NACA2: variants seen among roughly 807,000 people sequenced by gnomAD.
The protein encoded by NACA2 is nascent polypeptide-associated complex subunit alpha-2.
NACA2 carries 9 observed loss-of-function variants against 15.6 expected under a neutral mutation model. The observed-to-expected ratio is 0.58, with a 90% confidence interval of 0.35 to 1.00. The LOEUF is 1.00. Ranked by LOEUF, NACA2 falls within the 50% of genes least tolerant of loss-of-function variation. The probability of loss-of-function intolerance (pLI) is 0.02; values close to 1 mark genes in which losing one functional copy is unlikely to be tolerated. For synonymous variants in NACA2, 111 were observed against 100.5 expected (o/e 1.10, Z -0.62); for missense variants, 258 against 257.5 (o/e 1.00, Z -0.01).
chr17:61,590,885 G>C lies in NACA2; in HGVS notation c.296C>G (p.Ser99Cys). 1 of 1,614,178 alleles carries C rather than the reference G, an allele frequency of 6.2e-7. No homozygotes were observed. Among genetic ancestry groups the C allele is most frequent in the Non-Finnish European group, 8.5e-7 (1 of 1,180,032 alleles). The stretch of plus-strand genomic sequence containing the variant: ...TGTGATGACAAAGAGGATATTCTTA[G>C]ATTTCCAGATAGTGACTCTAGTAAC... ...TGVTRVTIWKSKNILFVITKL... is the reference protein window; with the variant it reads ...TGVTRVTIWKCKNILFVITKL... The change falls in exon 1 of 1, where the codon TCT (serine) becomes TGT (cysteine). Residue 99 changes from serine to cysteine, a missense_variant. Ser to Cys is a moderately radical substitution (Grantham distance 112, BLOSUM62 -1). Coordinates refer to ENST00000521764, the MANE Select transcript of NACA2 (RefSeq NM_199290.4).
At position 61,591,185 on chromosome 17, in the gene NACA2, T is replaced by G. The variant is rs775551337; in HGVS notation, c.-5A>C. ...TTCTGTGGCTTCGCCCGGCATTTTG[T>G]GCAGGGAACGCGGAAGCAAGATGGC... On this transcript the variant is annotated 5_prime_UTR_variant, in exon 1 of 1. Transcript: ENST00000521764. The G allele has an allele frequency of 5.0e-6, 8 of 1,614,206 alleles. No individual in the cohort carries two copies. Among genetic ancestry groups the G allele is most frequent in the Non-Finnish European group, 6.8e-6 (8 of 1,180,056 alleles).
chr17:61,590,987 C>G lies in NACA2; in HGVS notation c.194G>C (p.Gly65Ala). The G allele has an allele frequency of 6.2e-7, 1 of 1,614,218 alleles. No homozygotes were observed. The highest frequency in any genetic ancestry group is 8.5e-7 in the Non-Finnish European group (1 of 1,180,048). Residue 65 changes from glycine to alanine, a missense_variant, in exon 1 of 1, where the codon GGT (glycine) becomes GCT (alanine). Transcript: ENST00000521764. Reference protein sequence around the residue: ...AAAEIDEEPVGKAKQSRSEKR... With the variant: ...AAAEIDEEPVAKAKQSRSEKR... ...TTCACTCCGACTCTGTTTTGCTTTA[C>G]CGACTGGTTCTTCATCAATTTCAGC...
rs2060995941 is a variant in NACA2, at chr17:61,590,697, C to G, written c.484G>C (p.Val162Leu). Residue 162 changes from valine to leucine, a missense_variant, in exon 1 of 1, where the codon GTA (valine) becomes CTA (leucine). By Grantham distance (32) the Val-to-Leu change is conservative. Coordinates refer to ENST00000521764, the MANE Select transcript of NACA2 (RefSeq NM_199290.4). Reference protein sequence around the residue: ...NIQENTQTPTVQEESEEEEVD... With the variant: ...NIQENTQTPTLQEESEEEEVD... ...TCTTCCTCTTCACTCTCCTCTTGTA[C>G]AGTTGGAGTCTGTGTGTTTTCTTGA... 6.2e-7 allele frequency: 1 copy of G among 1,614,076 alleles called. No individual in the cohort carries two copies. Among genetic ancestry groups the G allele is most frequent in the Non-Finnish European group, 8.5e-7 (1 of 1,180,052 alleles).
In NACA2 at chr17:61,591,051, T is replaced by C; in HGVS notation, c.130A>G (p.Thr44Ala). 9 of 1,614,246 alleles carry C rather than the reference T, an allele frequency of 5.6e-6. No individual in the cohort carries two copies. Among genetic ancestry groups the C allele is most frequent in the Non-Finnish European group, 7.6e-6 (9 of 1,180,040 alleles). Residue 44 changes from threonine (T) to alanine (A), a missense_variant, in exon 1 of 1, where the codon ACC (threonine) becomes GCC (alanine). Physicochemically the swap from Thr to Ala is moderately conservative, Grantham distance 58 (BLOSUM62 0). Coordinates refer to ENST00000521764, the MANE Select transcript of NACA2 (RefSeq NM_199290.4). Reference sequence around the variant, plus strand: ...CAGGCTTTTTGTGTGGTGGTCTGGGTGGAATCCTGTTCTTCAATCCCTGGT... The same window carrying C: ...CAGGCTTTTTGTGTGGTGGTCTGGGCGGAATCCTGTTCTTCAATCCCTGGT... ...SVPGIEEQDS[T>A]QTTTQKAWLV...
rs763576359 is a variant in NACA2 at position 61,591,063 on chromosome 17, C to G, written c.118G>C (p.Glu40Gln). The change falls in exon 1 of 1, where the codon GAA becomes CAA. Residue 40 changes from glutamate to glutamine, a missense_variant. Transcript: ENST00000521764. ...DSGESVPGIE[E>Q]QDSTQTTTQK... ...GTGGTGGTCTGGGTGGAATCCTGTT[C>G]TTCAATCCCTGGTACTGATTCACCA... is the stretch of plus-strand genomic sequence containing the variant. 3.7e-6 allele frequency: 6 copies of G among 1,614,148 alleles called. No individual in the cohort carries two copies. In the African/African-American group the frequency reaches 8.0e-5, roughly 22 times the overall value.
Position 61,590,469 on chromosome 17 carries a change from T to C in NACA2, c.*64A>G. On this transcript the variant is annotated 3_prime_UTR_variant, in exon 1 of 1. Transcript: ENST00000521764. Reference sequence around the variant, plus strand: ...ATAACTTTATTTATGATAGAAACAGTACAAATTTCAAACCAAGCTGCAGTT... The same window carrying C: ...ATAACTTTATTTATGATAGAAACAGCACAAATTTCAAACCAAGCTGCAGTT... The C allele has an allele frequency of 6.9e-7, 1 of 1,457,900 alleles. No homozygotes were observed. Among genetic ancestry groups the C allele is most frequent in the Non-Finnish European group, 9.6e-7 (1 of 1,039,464 alleles). The allele number at this position is 1,457,900 out of a possible 1,614,324, so 90.3% of individuals were successfully genotyped here.
Position 61,590,982 on chromosome 17 carries a change from C to T in NACA2, c.199G>A (p.Ala67Thr), listed in dbSNP as rs1306747093. ...AEIDEEPVGKAKQSRSEKRAR... is the reference protein window; with the variant it reads ...AEIDEEPVGKTKQSRSEKRAR... ...CTCTTTTCACTCCGACTCTGTTTTG[C>T]TTTACCGACTGGTTCTTCATCAATT... The change falls in exon 1 of 1, where the codon GCA (alanine) becomes ACA (threonine). Residue 67 changes from alanine to threonine, a missense_variant. By Grantham distance (58) the Ala-to-Thr change is moderately conservative. Transcript: ENST00000521764. 1.2e-6 allele frequency: 2 copies of T among 1,614,118 alleles called. No individual in the cohort carries two copies. The highest frequency in any genetic ancestry group is 2.7e-5 in the African/African-American group (2 of 74,934).
In NACA2 at chr17:61,590,567, T is replaced by A. The variant is rs749462117; in HGVS notation, c.614A>T (p.Asp205Val). 6.2e-7 allele frequency: 1 copy of A among 1,614,196 alleles called. No individual in the cohort carries two copies. The highest frequency in any genetic ancestry group is 8.5e-7 in the Non-Finnish European group (1 of 1,180,032). The change falls in exon 1 of 1, where the codon GAT (aspartate) becomes GTT (valine). Residue 205 changes from aspartate to valine, a missense_variant. Transcript: ENST00000521764. ...TAATTCCATAATCGCATTTACAATA[T>A]CATTACTGTTGTTCTTCAGAGCTCG... ...AVRALKNNSN[D>V]IVNAIMELTV
Position 61,590,448 on chromosome 17 carries a change from C to T in NACA2, c.*85G>A, listed in dbSNP as rs375989957. On this transcript the variant is annotated 3_prime_UTR_variant, in exon 1 of 1. Coordinates refer to ENST00000521764, the MANE Select transcript of NACA2 (RefSeq NM_199290.4). ...TTCTTTTTCCAGCAAGAAGTCATAA[C>T]TTTATTTATGATAGAAACAGTACAA... 2.4e-5 allele frequency: 32 copies of T among 1,360,036 alleles called. No individual in the cohort carries two copies. In the African/African-American group the frequency reaches 3.2e-4, roughly 13 times the overall value. 84.2% of individuals were successfully genotyped at this position (1,360,036 alleles called of 1,614,324 possible).
In NACA2 at chr17:61,590,584, C is replaced by T. The variant is rs2060995278; in HGVS notation, c.597G>A (p.Leu199=). 1 of 1,614,212 alleles carries T rather than the reference C, an allele frequency of 6.2e-7. No individual in the cohort carries two copies. The highest frequency in any genetic ancestry group is 8.5e-7 in the Non-Finnish European group (1 of 1,180,044). The change falls in exon 1 of 1, where the codon CTG becomes CTA. Residue 199 remains leucine (L), a synonymous_variant. Transcript: ENST00000521764. ...TTACAATATCATTACTGTTGTTCTT[C>T]AGAGCTCGGACTGCCTTTGCTCTCG... is the stretch of plus-strand genomic sequence containing the variant. ...NVSRAKAVRA[L]KNNSNDIVNA...
In NACA2 at chr17:61,590,838, G is replaced by A. The variant is rs140262638; in HGVS notation, c.343C>T (p.Pro115Ser). Residue 115 changes from proline (P) to serine (S), a missense_variant, in exon 1 of 1, where the codon CCT becomes TCT. Pro to Ser is a moderately conservative substitution (Grantham distance 74). Coordinates refer to ENST00000521764, the MANE Select transcript of NACA2 (RefSeq NM_199290.4). ...VITKLDVYKS[P>S]ASDAYIVFGE... ...AAAACTATGTAGGCATCCGAAGCAG[G>A]GCTCTTGTAGACGTCCAGTTTTGTG... 6 of 1,614,030 alleles carry A rather than the reference G, an allele frequency of 3.7e-6. No homozygotes were observed. The highest frequency in any genetic ancestry group is 1.7e-5 in the Admixed American group (1 of 60,008).
rs2060998799 is a variant in NACA2 at position 61,591,153 on chromosome 17, G to A, written c.28C>T (p.Pro10Ser). The A allele has an allele frequency of 6.2e-7, 1 of 1,614,250 alleles. No individual in the cohort carries two copies. MPGEATETV[P>S]ATEQELPQSQ... is the part of the protein sequence containing the mutation. ...TGCGGCAACTCCTGCTCTGTAGCAGGGACGGTTTCTGTGGCTTCGCCCGGC... is the reference window on the plus strand; with the variant it reads ...TGCGGCAACTCCTGCTCTGTAGCAGAGACGGTTTCTGTGGCTTCGCCCGGC... The change falls in exon 1 of 1, where the codon CCT (proline) becomes TCT (serine). Residue 10 changes from proline (P) to serine (S), a missense_variant. Pro to Ser is a moderately conservative substitution (Grantham distance 74). Coordinates refer to ENST00000521764, the MANE Select transcript of NACA2 (RefSeq NM_199290.4).
chr17:61,591,141 G>T lies in NACA2; in HGVS notation c.40C>A (p.Gln14Lys). Residue 14 changes from glutamine (Q) to lysine (K), a missense_variant, in exon 1 of 1, where the codon CAG (glutamine) becomes AAG (lysine). Physicochemically the swap from Gln to Lys is moderately conservative, Grantham distance 53. Coordinates refer to ENST00000521764, the MANE Select transcript of NACA2 (RefSeq NM_199290.4). ...EATETVPATE[Q>K]ELPQSQAETG... ...TCAGCCTGGGACTGCGGCAACTCCT[G>T]CTCTGTAGCAGGGACGGTTTCTGTG... The T allele has an allele frequency of 2.5e-6, 4 of 1,614,248 alleles. No individual in the cohort carries two copies. The highest frequency in any genetic ancestry group is 3.4e-6 in the Non-Finnish European group (4 of 1,180,044).
rs1340371131 is a variant in NACA2 at position 61,590,521 on chromosome 17, GC to G, written c.*11del. The stretch of plus-strand genomic sequence containing the variant: ...CTCCTTTGAGACACCAAAAAAAGTT[GC>G]TTTCAGATGGTTACACTGTTAATTC... On this transcript the variant is annotated 3_prime_UTR_variant, in exon 1 of 1. Coordinates refer to ENST00000521764, the MANE Select transcript of NACA2 (RefSeq NM_199290.4). The G allele has an allele frequency of 6.2e-7, 1 of 1,613,958 alleles. No individual in the cohort carries two copies. Among genetic ancestry groups the G allele is most frequent in the East Asian group, 2.2e-5 (1 of 44,878 alleles).
In NACA2 at chr17:61,590,524, T is replaced by A. The variant is rs761355389; in HGVS notation, c.*9A>T. The A allele has an allele frequency of 3.1e-6, 5 of 1,613,990 alleles. No homozygotes were observed. The highest frequency in any genetic ancestry group is 4.2e-6 in the Non-Finnish European group (5 of 1,179,952). ...CTTTGAGACACCAAAAAAAGTTGCTTTCAGATGGTTACACTGTTAATTCCA... is the reference window on the plus strand; with the variant it reads ...CTTTGAGACACCAAAAAAAGTTGCTATCAGATGGTTACACTGTTAATTCCA... On this transcript the variant is annotated 3_prime_UTR_variant, in exon 1 of 1. Coordinates refer to ENST00000521764, the MANE Select transcript of NACA2 (RefSeq NM_199290.4).
rs951307026 is a variant in NACA2, at chr17:61,590,946, C to T, written c.235G>A (p.Ala79Thr). 1.2e-6 allele frequency: 2 copies of T among 1,614,230 alleles called. No homozygotes were observed. The highest frequency in any genetic ancestry group is 1.7e-5 in the Admixed American group (1 of 60,030). Residue 79 changes from alanine to threonine, a missense_variant, in exon 1 of 1, where the codon GCT (alanine) becomes ACT (threonine). By Grantham distance (58) the Ala-to-Thr change is moderately conservative. Transcript: ENST00000521764. The part of the protein sequence containing the change: ...QSRSEKRARK[A>T]MSKLGLLQVT... ...TGTAGAAGACCCAGTTTGGACATAG[C>T]CTTCCGTGCCCTCTTTTCACTCCGA... is the stretch of plus-strand genomic sequence containing the variant.
In NACA2 at chr17:61,590,898, T is replaced by C; in HGVS notation, c.283A>G (p.Thr95Ala). 1.2e-6 allele frequency: 2 copies of C among 1,614,244 alleles called. No individual in the cohort carries two copies. Among genetic ancestry groups the C allele is most frequent in the Non-Finnish European group, 1.7e-6 (2 of 1,180,044 alleles). Residue 95 changes from threonine (T) to alanine (A), a missense_variant, in exon 1 of 1, where the codon ACT becomes GCT. Coordinates refer to ENST00000521764, the MANE Select transcript of NACA2 (RefSeq NM_199290.4). ...LLQVTGVTRVTIWKSKNILFV... is the reference protein window; with the variant it reads ...LLQVTGVTRVAIWKSKNILFV... ...AGGATATTCTTAGATTTCCAGATAG[T>C]GACTCTAGTAACTCCTGTAACCTGT...
chr17:61,591,041 G>C lies in NACA2; in HGVS notation c.140C>G (p.Thr47Ser), dbSNP rs755959817. ...TGCCACCAGCCAGGCTTTTTGTGTGGTGGTCTGGGTGGAATCCTGTTCTTC... is the reference window on the plus strand; with the variant it reads ...TGCCACCAGCCAGGCTTTTTGTGTGCTGGTCTGGGTGGAATCCTGTTCTTC... ...GIEEQDSTQT[T>S]TQKAWLVAAA... is the part of the protein sequence containing the mutation. Residue 47 changes from threonine to serine, a missense_variant, in exon 1 of 1, where the codon ACC becomes AGC. Thr to Ser is a moderately conservative substitution (Grantham distance 58, BLOSUM62 1). Coordinates refer to ENST00000521764, the MANE Select transcript of NACA2 (RefSeq NM_199290.4). The C allele has an allele frequency of 2.5e-6, 4 of 1,614,086 alleles. No individual in the cohort carries two copies. The highest frequency in any genetic ancestry group is 1.7e-5 in the Admixed American group (1 of 60,004).
Position 61,591,052 on chromosome 17 carries a change from G to A in NACA2, c.129C>T (p.Ser43=). 6.2e-7 allele frequency: 1 copy of A among 1,614,248 alleles called. No individual in the cohort carries two copies. ...ESVPGIEEQD[S]TQTTTQKAWL... ...AGGCTTTTTGTGTGGTGGTCTGGGT[G>A]GAATCCTGTTCTTCAATCCCTGGTA... The change falls in exon 1 of 1, where the codon TCC becomes TCT. Residue 43 remains serine, a synonymous_variant. Transcript: ENST00000521764.
Sources: allele counts gnomAD v4.1 joint callset, GRCh38; gene constraint gnomAD v4.1.1; transcripts MANE v1.5; gene names NCBI Gene and HGNC (gene_info 2026-07-23, HGNC 2026-07-21).